The following SLC12A2 variants were observed in gnomAD, a reference collection of about 807,000 sequenced individuals.
SLC12A2 encodes Na-K-2Cl cotransporter 1.
Under a neutral mutation model 136.3 loss-of-function variants are expected in SLC12A2, and 67 were observed. That is an observed-to-expected ratio of 0.49 (90% CI 0.40 to 0.60). The LOEUF (loss-of-function observed/expected upper bound fraction) is 0.60. Ranked by LOEUF, SLC12A2 falls within the 20% of genes least tolerant of loss-of-function variation. SLC12A2 has a pLI of 0.00. For missense variants in SLC12A2, 1,322 were observed against 1,534.7 expected, an observed-to-expected ratio of 0.86 and a Z score of 2.32; for synonymous variants, 619 against 562.9, an observed-to-expected ratio of 1.10 and a Z score of -1.41.
At chr5:128,121,376 A>C (rs1340931915) in intron 4 of SLC12A2, among the ~76,000 whole-genome samples, 2 of 151,876 alleles carry the variant, frequency 1.3e-5, no homozygotes, top group Non-Finnish European at 2.9e-5. Context: ...AGGCTGGAGT[A>C]AAGTGGCACG....
chr5:128,170,092 T>C (rs527582844), intron 18 of SLC12A2: 11 of 152,328 alleles, frequency 7.2e-5, no homozygotes, highest in African/African-American at 2.4e-4. Flanking sequence ...TAAGTATGCT[T>C]TATATATTGT....
chr5:128,084,787 C>T lies in SLC12A2; in HGVS notation c.756+77C>T. On this transcript the variant is annotated intron_variant, in intron 1 of 26. Coordinates refer to ENST00000262461, the MANE Select transcript of SLC12A2 (RefSeq NM_001046.3). This position sits in a 1 kb window ranked among gnomAD's most constrained non-coding sequence, Gnocchi z 5.6. Reference sequence around the variant, plus strand: ...GCGGGATGTGGCTGCAGACTCTTCCCGAGTTGAGGTGGCGGGAGTAGTAGA... The same window carrying T: ...GCGGGATGTGGCTGCAGACTCTTCCTGAGTTGAGGTGGCGGGAGTAGTAGA... 1.4e-6 allele frequency: 2 copies of T among 1,434,072 alleles called. No individual in the cohort carries two copies. Among genetic ancestry groups the T allele is most frequent in the Non-Finnish European group, 1.9e-6 (2 of 1,080,924 alleles). The allele number at this position is 1,434,072 out of a possible 1,614,324, so 88.8% of individuals were successfully genotyped here. A position where few individuals can be genotyped will look rare whatever the true frequency, so the allele number is the denominator to read the frequency against.
At chr5:128,089,169 CAAAA>C (rs34686489) in intron 1 of SLC12A2, among the ~76,000 whole-genome samples, 6 of 119,748 alleles carry the variant, frequency 5.0e-5, no homozygotes, top group Non-Finnish European at 3.5e-5. Context: ...ACTTTGTCTC[CAAAA>C]AAAAAAAAAA....
chr5:128,138,422 A>AT (rs1157888703), intron 7 of SLC12A2, among the ~76,000 whole-genome samples, 175 bp from the exon 8 acceptor site: 2 of 152,222 alleles, frequency 1.3e-5, no homozygotes, highest in African/African-American at 2.4e-5. Context: ...ATGGTAAACC[A>AT]TTGTCTCATA....
At chr5:128,127,116 A>ATTTTTTTT (rs35726459) in intron 4 of SLC12A2, among the ~76,000 whole-genome samples, 1 of 68,752 alleles carries the variant, frequency 1.5e-5, no homozygotes, top group Non-Finnish European at 2.5e-5. Context: ...TTGGTCTGGA[A>ATTTTTTTT]TTTTTTTTTT....
In SLC12A2 at chr5:128,161,684, G is replaced by C; in HGVS notation, c.2500G>C (p.Glu834Gln). The change falls in exon 17 of 27, where the codon GAG (glutamate) becomes CAG (glutamine). Residue 834 changes from glutamate to glutamine, a missense_variant. Glu to Gln is a conservative substitution (Grantham distance 29). Transcript: ENST00000262461. ...HMGPRRQAMK[E>Q]MSIDQAKYQR... ...GGGTCCTCGAAGACAAGCCATGAAA[G>C]AGATGTCCATCGATCAAGCCAAATA... is the stretch of plus-strand genomic sequence containing the variant. The C allele has an allele frequency of 6.8e-7, 1 of 1,462,438 alleles. No individual in the cohort carries two copies. The highest frequency in any genetic ancestry group is 9.0e-7 in the Non-Finnish European group (1 of 1,107,772). The allele number at this position is 1,462,438 out of a possible 1,614,324, so 90.6% of individuals were successfully genotyped here.
chr5:128,125,938 T>TA (rs1761775992), intron 4 of SLC12A2, among the ~76,000 whole-genome samples: 1 of 152,188 alleles, frequency 6.6e-6, no homozygotes, highest in Non-Finnish European at 1.5e-5. Context: ...ATCTGTTTCT[T>TA]ATTGAGTTGT....
intron 10 of SLC12A2, among the ~76,000 whole-genome samples, chr5:128,145,308 C>T (rs1762497215): frequency 6.6e-6 from 1 of 152,056 alleles, no homozygotes; most frequent in African/African-American, 2.4e-5. Flanking sequence ...CTACTTTCGT[C>T]CACTTATCTC....
At chr5:128,101,128 T>C (rs1042569142) in intron 1 of SLC12A2, among the ~76,000 whole-genome samples, 1 of 152,184 alleles carries the variant, frequency 6.6e-6, no homozygotes, top group African/African-American at 2.4e-5. Context: ...AACAATACTT[T>C]GTTTTGAAAG....
intron 10 of SLC12A2, among the ~76,000 whole-genome samples, chr5:128,146,047 A>G (rs2126717288): frequency 6.6e-6 from 1 of 152,022 alleles, no homozygotes; most frequent in East Asian, 1.9e-4. Flanking sequence ...ACAGATTCAG[A>G]AGTACACAGT....
At chr5:128,185,616 C>G (rs1297041575) in intron 26 of SLC12A2, among the ~76,000 whole-genome samples, 2 of 152,156 alleles carry the variant, frequency 1.3e-5, no homozygotes, top group Admixed American at 1.3e-4. Context: ...AAAAACTATA[C>G]AGCAATTGGT....
intron 1 of SLC12A2, chr5:128,110,131 T>C (rs883074): frequency 0.3 from 264,865 of 891,074 alleles, 47,132 homozygotes; most frequent in African/African-American, 0.65. Context: ...TTCATGGATG[T>C]CATACTACTT....
intron 1 of SLC12A2, among the ~76,000 whole-genome samples, chr5:128,096,097 A>G (rs1760527941): frequency 6.6e-6 from 1 of 152,168 alleles, no homozygotes; most frequent in Non-Finnish European, 1.5e-5. Context: ...CAAGCTAGGT[A>G]GTTGACAGAT....
intron 6 of SLC12A2, 152 bp downstream of exon 6, chr5:128,134,427 A>G (rs760582226): frequency 1.8e-6 from 1 of 557,926 alleles, no homozygotes; most frequent in Non-Finnish European, 3.3e-6. Context: ...GTTATTTTCT[A>G]CTTGACAAGG....
rs1456151942 is a variant in SLC12A2, at chr5:128,115,976, C to T, written c.1048+1295C>T. Among the ~76,000 whole-genome samples the T allele has an allele frequency of 2.0e-5, 3 of 152,196 alleles. No homozygotes were observed. In the East Asian group the frequency reaches 5.8e-4, roughly 29 times the overall value. On this transcript the variant is annotated intron_variant, in intron 4 of 26. Coordinates refer to ENST00000262461, the MANE Select transcript of SLC12A2 (RefSeq NM_001046.3). ...GACTGAAGTTTTATGCTTCTGTTAG[C>T]CTGGATTGAGCTATATTGGGATATA...
chr5:128,150,603 C>T (rs909372063), intron 13 of SLC12A2, among the ~76,000 whole-genome samples: 4 of 151,560 alleles, frequency 2.6e-5, no homozygotes, highest in African/African-American at 9.7e-5. Context: ...CAGGTTTTTA[C>T]TTTAAATGTA....
intron 5 of SLC12A2, among the ~76,000 whole-genome samples, chr5:128,131,704 G>A (rs1414042388): frequency 5.3e-5 from 8 of 150,606 alleles, no homozygotes; most frequent in Non-Finnish European, 7.4e-5. Context: ...ACTCCGTCTC[G>A]GAAAAATAAA....
chr5:128,095,259 A>C (rs546013655), intron 1 of SLC12A2, among the ~76,000 whole-genome samples: 1 of 152,258 alleles, frequency 6.6e-6, no homozygotes, highest in South Asian at 2.1e-4. Flanking sequence ...TAGAAATGTT[A>C]GTTTCCAAAG....
At chr5:128,139,236 C>T (rs1054317010) in intron 9 of SLC12A2, among the ~76,000 whole-genome samples, 6 of 151,270 alleles carry the variant, frequency 4.0e-5, no homozygotes, top group African/African-American at 1.5e-4. Context: ...GAATTTCACT[C>T]TTACAAATTT....
Sources: gnomAD v4.1 joint callset for allele counts (sites outside exome capture counted in the v4.1 genomes callset) on GRCh38, gnomAD v4.1.1 for gene constraint, Gnocchi (gnomAD v3.1) non-coding constraint, MANE v1.5 for transcripts, NCBI Gene and HGNC (gene_info 2026-07-23, HGNC 2026-07-21) for gene names.